Variants in CSMD1 observed in about 807,000 individuals in gnomAD.
CSMD1 encodes CUB and Sushi multiple domains 1.
A neutral mutation model predicts 417.5 loss-of-function variants in CSMD1; 213 were observed. The ratio of observed to expected loss-of-function variants is 0.51; its 90% confidence interval spans 0.46 to 0.57. The LOEUF is 0.57. CSMD1 is among the 20% of genes least tolerant of loss of function. The pLI is 0.00. For missense variants in CSMD1, 6,923 were observed against 4,529.7 expected, an observed-to-expected ratio of 1.53 and a Z score of -15.17; for synonymous variants, 2,862 against 1,736.8, an observed-to-expected ratio of 1.65 and a Z score of -16.11.
chr8:4,458,234 T>C (rs1799602323), intron 2 of CSMD1, among the ~76,000 whole-genome samples: 1 of 152,174 alleles, frequency 6.6e-6, no homozygotes, highest in African/African-American at 2.4e-5. Context: ...TAATGATCGG[T>C]CACACTTAAA....
intron 3 of CSMD1, among the ~76,000 whole-genome samples, chr8:4,206,337 C>G (rs966239471): frequency 6.6e-6 from 1 of 152,094 alleles, no homozygotes; most frequent in East Asian, 1.9e-4. Context: ...GATGCTATCC[C>G]TTTCCCCTCC....
intron 11 of CSMD1, among the ~76,000 whole-genome samples, chr8:3,478,327 G>C (rs1225604738): frequency 1.3e-5 from 2 of 152,192 alleles, no homozygotes; most frequent in East Asian, 3.8e-4. Context: ...AATAAAAGTT[G>C]ACTAAAGCCC....
intron 3 of CSMD1, among the ~76,000 whole-genome samples, chr8:4,293,860 T>C (rs557268594): frequency 1.3e-5 from 2 of 152,334 alleles, no homozygotes; most frequent in African/African-American, 2.4e-5. Context: ...CTACTAGTTT[T>C]TGACTCAGTG....
intron 1 of CSMD1, among the ~76,000 whole-genome samples, chr8:4,707,743 CG>C (rs1359832282): frequency 6.6e-6 from 1 of 151,690 alleles, no homozygotes; most frequent in Non-Finnish European, 1.5e-5. Flanking sequence ...AAAAATTAGC[CG>C]GGCGTCGTGG....
At chr8:4,607,523 C>T (rs961341321) in intron 2 of CSMD1, among the ~76,000 whole-genome samples, 2 of 152,134 alleles carry the variant, frequency 1.3e-5, no homozygotes, top group Non-Finnish European at 2.9e-5. Flanking sequence ...AAACTGGATT[C>T]AACATGGTGC....
chr8:3,211,560 A>C (rs1797608267), intron 30 of CSMD1, among the ~76,000 whole-genome samples: 1 of 152,174 alleles, frequency 6.6e-6, no homozygotes, highest in Non-Finnish European at 1.5e-5. Context: ...ATTAAGATTT[A>C]CTAGTTTTGG....
chr8:3,229,574 C>G (rs1438550053), intron 27 of CSMD1, among the ~76,000 whole-genome samples: 1 of 152,104 alleles, frequency 6.6e-6, no homozygotes, highest in Non-Finnish European at 1.5e-5. Context: ...CATTTTAACA[C>G]AAACAGTATA....
chr8:4,584,482 G>C (rs1355408537), intron 2 of CSMD1, among the ~76,000 whole-genome samples: 1 of 152,048 alleles, frequency 6.6e-6, no homozygotes, highest in African/African-American at 2.4e-5. Flanking sequence ...AGAAACGGGT[G>C]TCAGGCTTTC....
chr8:3,883,293 G>A (rs562202608), intron 5 of CSMD1, among the ~76,000 whole-genome samples: 1 of 152,166 alleles, frequency 6.6e-6, no homozygotes, highest in African/African-American at 2.4e-5. Flanking sequence ...CATGTTTACT[G>A]TGAGAACTGA....
At chr8:4,326,486 A>G (rs986712238) in intron 3 of CSMD1, among the ~76,000 whole-genome samples, 6 of 152,296 alleles carry the variant, frequency 3.9e-5, no homozygotes, top group African/African-American at 1.4e-4. Context: ...AAGTATCAAG[A>G]GGAGATAGGA....
intron 1 of CSMD1, among the ~76,000 whole-genome samples, chr8:4,797,467 T>G (rs1345157149): frequency 6.6e-6 from 1 of 152,174 alleles, no homozygotes; most frequent in Non-Finnish European, 1.5e-5. Context: ...ATGTTTTTAT[T>G]ATGTTGGCGC....
chr8:3,363,757 T>A (rs934726002), intron 20 of CSMD1, among the ~76,000 whole-genome samples: 5 of 152,084 alleles, frequency 3.3e-5, no homozygotes, highest in African/African-American at 1.2e-4. Flanking sequence ...TTGAAGAGAA[T>A]GACTGAGAAA....
At chr8:3,819,614 C>G (rs184950163) in intron 5 of CSMD1, among the ~76,000 whole-genome samples, 1 of 152,096 alleles carries the variant, frequency 6.6e-6, no homozygotes, top group East Asian at 1.9e-4. Flanking sequence ...GACAGGATCT[C>G]ACTTTGTTGC....
At chr8:4,635,986 C>G (rs1563355737) in intron 2 of CSMD1, among the ~76,000 whole-genome samples, 2 of 151,734 alleles carry the variant, frequency 1.3e-5, no homozygotes, top group East Asian at 3.9e-4. Flanking sequence ...TGAAAAAATG[C>G]AAATAAAATA....
chr8:3,982,694 A>T (rs533711123), intron 5 of CSMD1, among the ~76,000 whole-genome samples: 1 of 152,026 alleles, frequency 6.6e-6, no homozygotes, highest in Non-Finnish European at 1.5e-5. Flanking sequence ...CGGAAGCCTC[A>T]TAAGATCAGG....
chr8:3,026,560 TGGACCTCACC>T (rs758947993), intron 51 of CSMD1, among the ~76,000 whole-genome samples: 63 of 151,904 alleles, frequency 4.1e-4, no homozygotes, highest in African/African-American at 1.1e-3. Flanking sequence ...CTGACTTCAC[TGGACCTCACC>T]GGACCTCACT....
intron 5 of CSMD1, among the ~76,000 whole-genome samples, chr8:3,883,777 G>A (rs545372853): frequency 4.6e-5 from 7 of 152,142 alleles, no homozygotes; most frequent in African/African-American, 9.6e-5. Flanking sequence ...CAGGGAAAAA[G>A]CAGCTTTTAA....
intron 55 of CSMD1, among the ~76,000 whole-genome samples, chr8:2,978,313 G>C (rs2128937385): frequency 6.6e-6 from 1 of 152,290 alleles, no homozygotes; most frequent in East Asian, 1.9e-4. Context: ...CTGGTAGGCT[G>C]AGGCTGAAGG....
chr8:4,342,654 G>A (rs1488967976), intron 3 of CSMD1, among the ~76,000 whole-genome samples: 1 of 152,030 alleles, frequency 6.6e-6, no homozygotes, highest in Non-Finnish European at 1.5e-5. Context: ...TTCATCACAT[G>A]TGATGCTAAA....
Sources: allele counts gnomAD v4.1 joint callset (sites outside exome capture counted in the v4.1 genomes callset), GRCh38; gene constraint gnomAD v4.1.1; transcripts MANE v1.5; gene names NCBI Gene and HGNC (gene_info 2026-07-23, HGNC 2026-07-21).